CNTN5: variants seen among roughly 807,000 people sequenced by gnomAD.
The protein encoded by CNTN5 is contactin 5, also known as contactin-5.
CNTN5 carries 77 observed loss-of-function variants against 129.1 expected under a neutral mutation model. The ratio of observed to expected loss-of-function variants is 0.60; its 90% CI spans 0.50 to 0.72. The LOEUF is 0.72. Ranked by LOEUF, CNTN5 falls within the 30% of genes least tolerant of loss-of-function variation. The pLI is 0.00. For synonymous variants in CNTN5, 509 were observed against 465.6 expected (o/e 1.09, Z -1.20); for missense variants, 1,478 against 1,328.8 (o/e 1.11, Z -1.75).
At chr11:99,128,784 T>C (rs559080002) in intron 1 of CNTN5, among the ~76,000 whole-genome samples, 4 of 152,118 alleles carry the variant, frequency 2.6e-5, no homozygotes, top group African/African-American at 9.6e-5. Flanking sequence ...GCAGCAATCT[T>C]TGATGTTCTA....
At chr11:99,252,639 G>A (rs1263430775) in intron 1 of CNTN5, among the ~76,000 whole-genome samples, 2 of 151,796 alleles carry the variant, frequency 1.3e-5, no homozygotes, top group Non-Finnish European at 2.9e-5. Flanking sequence ...TTTTCATTTG[G>A]TGAGCATAAA....
intron 1 of CNTN5, among the ~76,000 whole-genome samples, chr11:99,235,208 T>C (rs1030227371): frequency 6.6e-6 from 1 of 151,940 alleles, no homozygotes; most frequent in Non-Finnish European, 1.5e-5. Flanking sequence ...AAGCTGAAGA[T>C]AGCACATAAC....
intron 3 of CNTN5, among the ~76,000 whole-genome samples, chr11:99,715,583 A>T (rs1161113461): frequency 6.6e-6 from 1 of 152,000 alleles, no homozygotes; most frequent in African/African-American, 2.4e-5. Context: ...AGAGCCTCAC[A>T]TACTCCCCAA....
intron 1 of CNTN5, among the ~76,000 whole-genome samples, chr11:99,090,156 CAT>C (rs1378074085): frequency 3.9e-5 from 6 of 152,170 alleles, no homozygotes; most frequent in Non-Finnish European, 8.8e-5. Flanking sequence ...TTTGTTCATT[CAT>C]ATGTCACTAA....
chr11:99,926,663 T>C (rs985246907), intron 7 of CNTN5, among the ~76,000 whole-genome samples: 1 of 152,136 alleles, frequency 6.6e-6, no homozygotes, highest in African/African-American at 2.4e-5. Flanking sequence ...TTAACTTTTA[T>C]ACCACAAACA....
intron 3 of CNTN5, among the ~76,000 whole-genome samples, chr11:99,588,933 T>A (rs771658741): frequency 2.6e-5 from 4 of 152,208 alleles, no homozygotes; most frequent in Non-Finnish European, 2.9e-5. Context: ...ATTAATTATA[T>A]GAAGTAATTA....
chr11:100,189,787 G>A, intron 13 of CNTN5, among the ~76,000 whole-genome samples: 1 of 151,996 alleles, frequency 6.6e-6, no homozygotes, highest in East Asian at 1.9e-4. Context: ...TTTTTCAAAT[G>A]TTTTAAGCTA....
intron 6 of CNTN5, among the ~76,000 whole-genome samples, chr11:99,860,486 G>A (rs1208935752): frequency 2.0e-5 from 3 of 152,130 alleles, no homozygotes; most frequent in Non-Finnish European, 4.4e-5. Flanking sequence ...GTTTGTATAT[G>A]GTGAAATGTA....
intron 13 of CNTN5, among the ~76,000 whole-genome samples, chr11:100,111,684 A>C (rs1259587032): frequency 6.6e-6 from 1 of 152,196 alleles, no homozygotes; most frequent in Non-Finnish European, 1.5e-5. Flanking sequence ...AAGAAAATTT[A>C]AGTGTACAAT....
At chr11:99,787,540 A>G (rs1945577931) in intron 3 of CNTN5, among the ~76,000 whole-genome samples, 1 of 151,780 alleles carries the variant, frequency 6.6e-6, no homozygotes, top group Non-Finnish European at 1.5e-5. Context: ...TGGCCAAGGA[A>G]TGATTCAACA....
chr11:99,637,562 A>T (rs563251942), intron 3 of CNTN5, among the ~76,000 whole-genome samples: 90 of 152,262 alleles, frequency 5.9e-4, no homozygotes, highest in Middle Eastern at 3.4e-3. Flanking sequence ...GGTTACTGAA[A>T]AATAATTTTA....
intron 13 of CNTN5, among the ~76,000 whole-genome samples, chr11:100,087,692 C>T (rs1944609203): frequency 6.6e-6 from 1 of 151,952 alleles, no homozygotes; most frequent in African/African-American, 2.4e-5. Context: ...GGGAACTCAA[C>T]ATCCTACTTA....
chr11:99,156,641 A>AT (rs564364874), intron 1 of CNTN5, among the ~76,000 whole-genome samples: 6 of 151,902 alleles, frequency 3.9e-5, no homozygotes, highest in South Asian at 2.1e-4. Context: ...TCATCCTATA[A>AT]TTTTTTTTAT....
At chr11:99,056,083 C>T (rs1384718889) in intron 1 of CNTN5, among the ~76,000 whole-genome samples, 4 of 151,962 alleles carry the variant, frequency 2.6e-5, no homozygotes, top group Non-Finnish European at 4.4e-5. Context: ...GCGGCTGTTT[C>T]ATTGATCTGA....
chr11:99,739,461 T>C (rs907263836), intron 3 of CNTN5, among the ~76,000 whole-genome samples: 1 of 152,150 alleles, frequency 6.6e-6, no homozygotes, highest in African/African-American at 2.4e-5. Flanking sequence ...TTACGTTATC[T>C]GAAACAAAGA....
At chr11:100,285,743 T>C (rs1462052534) in intron 18 of CNTN5, among the ~76,000 whole-genome samples, 1 of 151,962 alleles carries the variant, frequency 6.6e-6, no homozygotes, top group East Asian at 1.9e-4. Context: ...AAAGGAAAAA[T>C]ACTGAGGAGC....
chr11:100,286,510 C>T (rs1271499002), intron 18 of CNTN5, among the ~76,000 whole-genome samples: 4 of 147,362 alleles, frequency 2.7e-5, no homozygotes, highest in Non-Finnish European at 4.5e-5. Context: ...ACACCTCACA[C>T]GGCAGGGTAT....
chr11:100,144,212 T>A (rs1946780632), intron 13 of CNTN5, among the ~76,000 whole-genome samples: 1 of 149,510 alleles, frequency 6.7e-6, no homozygotes, highest in Non-Finnish European at 1.5e-5. Flanking sequence ...GTTAAACAAG[T>A]TTTTTTATTT....
chr11:99,176,555 A>G (rs1591315079), intron 1 of CNTN5, among the ~76,000 whole-genome samples: 5 of 152,140 alleles, frequency 3.3e-5, no homozygotes, highest in African/African-American at 7.2e-5. Context: ...GTAAATGGCA[A>G]CTCCACATGT....
Sources: allele counts gnomAD v4.1 joint callset (sites outside exome capture counted in the v4.1 genomes callset), GRCh38; gene constraint gnomAD v4.1.1; transcripts MANE v1.5; gene names NCBI Gene and HGNC (gene_info 2026-07-23, HGNC 2026-07-21).